TASOR2: variants seen among roughly 807,000 people sequenced by gnomAD.
The protein encoded by TASOR2 is protein TASOR 2.
In TASOR2, 84 loss-of-function variants were observed where a neutral mutation model predicts 199.5. The observed-to-expected ratio is 0.42, with a 90% confidence interval of 0.35 to 0.50. The LOEUF is 0.50. Ranked by LOEUF, TASOR2 falls within the 20% of genes least tolerant of loss-of-function variation. The probability of loss-of-function intolerance (pLI) is 0.02; values close to 1 mark genes in which losing one functional copy is unlikely to be tolerated. For missense variants in TASOR2, 2,796 were observed against 2,835.9 expected, an observed-to-expected ratio of 0.99 and a Z score of 0.32; for synonymous variants, 1,103 against 1,046.6, an observed-to-expected ratio of 1.05 and a Z score of -1.04.
At chr10:5,736,846 A>G (rs1835677613) in intron 12 of TASOR2, among the ~76,000 whole-genome samples, 1 of 151,914 alleles carries the variant, frequency 6.6e-6, no homozygotes, top group Middle Eastern at 3.4e-3. Flanking sequence ...ATTCTCTCCT[A>G]TCTTTCTATG....
intron 16 of TASOR2, 47 bp from the exon 18 acceptor site, chr10:5,757,473 G>A (rs888064090): frequency 6.5e-7 from 1 of 1,548,362 alleles, no homozygotes; most frequent in African/African-American, 1.4e-5. Flanking sequence ...CTAAGAAAAT[G>A]TGCCCAGTGA....
Position 5,701,563 on chromosome 10 carries a change from C to T in TASOR2, c.-287-11260C>T, listed in dbSNP as rs976413129. ...CTGTAAATTGGCTTTGGGTAGTATT[C>T]AACAATATGAATTCTTCCAGTCCCT... On this transcript the variant is annotated intron_variant, in intron 1 of 20. Transcript: ENST00000328090. The surrounding 1 kb of genome is among the most constrained non-coding windows in gnomAD (Gnocchi z 4.9). Among the ~76,000 whole-genome samples the T allele has an allele frequency of 1.3e-5, 2 of 151,910 alleles. No homozygotes were observed. Among genetic ancestry groups the T allele is most frequent in the African/African-American group, 4.8e-5 (2 of 41,390 alleles).
At chr10:5,727,032 TTTC>T (rs767684520) in intron 9 of TASOR2, 26 bp from the exon 11 acceptor site, 2 of 1,613,990 alleles carry the variant, frequency 1.2e-6, no homozygotes, top group Non-Finnish European at 1.7e-6. Flanking sequence ...CAACCTAACT[TTTC>T]TTCTTCTGAT....
intron 1 of TASOR2, among the ~76,000 whole-genome samples, chr10:5,708,252 C>G (rs909290625): frequency 1.3e-5 from 2 of 152,106 alleles, no homozygotes; most frequent in Non-Finnish European, 2.9e-5. Flanking sequence ...TTTAATGTAT[C>G]ATGTTTAAAC....
rs966683963 is a variant in TASOR2 at position 5,690,289 on chromosome 10, T to A, written c.-288+5114T>A. 6.6e-6 allele frequency among the ~76,000 whole-genome samples: 1 copy of A among 152,224 alleles called. No homozygotes were observed. Among genetic ancestry groups the A allele is most frequent in the African/African-American group, 2.4e-5 (1 of 41,450 alleles). ...ATCTGGAGTGTACTTTGTTTTCTCT[T>A]AGTAAGATTTTAATTACATTTAATC... is the stretch of plus-strand genomic sequence containing the variant. On this transcript the variant is annotated intron_variant, in intron 1 of 20. Coordinates refer to ENST00000328090, the Ensembl canonical transcript of TASOR2. The surrounding 1 kb of genome is among the most constrained non-coding windows in gnomAD (Gnocchi z 4.8).
At position 5,730,976 on chromosome 10, in the gene TASOR2, C is replaced by T; in HGVS notation, c.977C>T (p.Ser326Phe). ...AAAGAAACTGAAACAAAAAAGGATT[C>T]TGAAGAAATGTTGAAAGCAAAGAAG... is the stretch of plus-strand genomic sequence containing the variant. The change falls in exon 11 of 21, where the codon TCT (serine) becomes TTT (phenylalanine). Residue 326 changes from serine to phenylalanine, a missense_variant. Transcript: ENST00000328090. The surrounding 1 kb of genome is among the most constrained non-coding windows in gnomAD (Gnocchi z 4.1). The T allele has an allele frequency of 1.2e-6, 2 of 1,614,042 alleles. No individual in the cohort carries two copies. The highest frequency in any genetic ancestry group is 1.7e-6 in the Non-Finnish European group (2 of 1,180,010).
chr10:5,760,847 T>C (rs1408844461), intron 18 of TASOR2: 1 of 152,886 alleles, frequency 6.5e-6, no homozygotes, highest in African/African-American at 2.4e-5. Flanking sequence ...TTAAACATAC[T>C]GAGTTAACAC....
At chr10:5,715,548 G>A (rs1832515957) in intron 2 of TASOR2, among the ~76,000 whole-genome samples, 1 of 152,064 alleles carries the variant, frequency 6.6e-6, no homozygotes, top group Admixed American at 6.5e-5. Flanking sequence ...GCATGAACCA[G>A]TAGTACTTCA....
chr10:5,714,144 G>A (rs1832295491), intron 2 of TASOR2: 1 of 1,231,596 alleles, frequency 8.1e-7, no homozygotes, highest in Non-Finnish European at 1.0e-6. Context: ...GGCAAAATTG[G>A]TATGTCAGTG....
At chr10:5,744,088 G>A (rs1049467229) in intron 14 of TASOR2, 2 of 152,018 alleles carry the variant, frequency 1.3e-5, no homozygotes, top group East Asian at 1.9e-4. Flanking sequence ...AAAATATATC[G>A]AAATAGAAAT....
At chr10:5,715,421 AGTCT>A (rs969647099) in intron 2 of TASOR2, among the ~76,000 whole-genome samples, 1 of 152,014 alleles carries the variant, frequency 6.6e-6, no homozygotes, top group Non-Finnish European at 1.5e-5. Context: ...GGCAACCACC[AGTCT>A]ATTTTCTGCC....
chr10:5,748,919 A>T lies in TASOR2; in HGVS notation c.5498A>T (p.Asp1833Val), dbSNP rs377258630. The stretch of plus-strand genomic sequence containing the variant: ...GAACTCTCTGGAGATTCTGATCTAG[A>T]CCTGCTTGGTGATTGTAGAAATCCC... Residue 1833 changes from aspartate to valine, a missense_variant, in exon 15 of 21, where the codon GAC (aspartate) becomes GTC (valine). Physicochemically the swap from Asp to Val is radical, Grantham distance 152 (BLOSUM62 -3). Transcript: ENST00000328090. This position sits in a 1 kb window ranked among gnomAD's most constrained non-coding sequence, Gnocchi z 5.1. 4.3e-5 allele frequency: 70 copies of T among 1,614,084 alleles called. No homozygotes were observed. The African/African-American group carries it at 8.4e-4, about 19-fold the overall frequency.
At chr10:5,697,206 T>G (rs1837267974) in intron 1 of TASOR2, among the ~76,000 whole-genome samples, 1 of 152,354 alleles carries the variant, frequency 6.6e-6, no homozygotes, top group African/African-American at 2.4e-5. Flanking sequence ...ATTGATTTTC[T>G]TCCTACTTCT....
In TASOR2 at chr10:5,742,561, T is replaced by A; in HGVS notation, c.2757+35T>A. 1 of 1,556,466 alleles carries A rather than the reference T, an allele frequency of 6.4e-7. No homozygotes were observed. Among genetic ancestry groups the A allele is most frequent in the Non-Finnish European group, 8.7e-7 (1 of 1,151,646 alleles). ...GCTGAATACCGTTAAATGTTGGCAT[T>A]ATTTTTGAAGAAAAAAATGTTTATA... On this transcript the variant is annotated intron_variant, in intron 14 of 20. Transcript: ENST00000328090. The surrounding 1 kb of genome is among the most constrained non-coding windows in gnomAD (Gnocchi z 4.2).
At chr10:5,697,569 G>A (rs959717398) in intron 1 of TASOR2, among the ~76,000 whole-genome samples, 1 of 152,114 alleles carries the variant, frequency 6.6e-6, no homozygotes, top group Non-Finnish European at 1.5e-5. Context: ...AGTACTCCTA[G>A]AAATGAGTGC....
chr10:5,754,591 T>C lies in TASOR2; in HGVS notation c.6607-2022T>C, dbSNP rs1838573902. ...TTTTAGTAGAGATGGGGTTTCACCA[T>C]GTTGGCCAGGCTGGTCTCGAACTCC... On this transcript the variant is annotated intron_variant, in intron 15 of 20. Transcript: ENST00000328090. The surrounding 1 kb of genome is among the most constrained non-coding windows in gnomAD (Gnocchi z 4.3). Among the ~76,000 whole-genome samples, 1 of 152,010 alleles carries C rather than the reference T, an allele frequency of 6.6e-6. No homozygotes were observed. Among genetic ancestry groups the C allele is most frequent in the Non-Finnish European group, 1.5e-5 (1 of 68,012 alleles).
chr10:5,714,058 T>TTA (rs1554758469), intron 2 of TASOR2, 77 bp from the exon 3 acceptor site: 81 of 609,328 alleles, frequency 1.3e-4, no homozygotes, highest in Middle Eastern at 5.2e-4. Flanking sequence ...AAAATAAAAT[T>TTA]AAAAAAAAAA....
chr10:5,747,111 A>G, exon 15 of TASOR2: 2 of 1,614,174 alleles, frequency 1.2e-6, no homozygotes, highest in Non-Finnish European at 1.7e-6. Context: ...GATGCCACAC[A>G]TCAGGTGACT....
chr10:5,744,293 T>G (rs1183089792), intron 14 of TASOR2, among the ~76,000 whole-genome samples: 1 of 150,586 alleles, frequency 6.6e-6, no homozygotes, highest in Non-Finnish European at 1.5e-5. Context: ...TGACTCTGTT[T>G]TTTTGTTTTG....
Sources: allele counts gnomAD v4.1 joint callset (sites outside exome capture counted in the v4.1 genomes callset), GRCh38; gene constraint gnomAD v4.1.1; non-coding constraint Gnocchi (gnomAD v3.1); transcripts MANE v1.5; gene names NCBI Gene and HGNC (gene_info 2026-07-23, HGNC 2026-07-21).